HCRTR2: variants seen among roughly 807,000 people sequenced by gnomAD.
HCRTR2 encodes hypocretin receptor 2, also known as orexin receptor type 2.
HCRTR2 carries 22 observed loss-of-function variants against 49.0 expected under a neutral mutation model. That is an observed-to-expected ratio of 0.45 (90% CI 0.32 to 0.64). The LOEUF (loss-of-function observed/expected upper bound fraction) is 0.64. HCRTR2 is among the 30% of genes least tolerant of loss of function. HCRTR2 has a pLI of 0.04. For synonymous variants in HCRTR2, 236 were observed against 205.3 expected (o/e 1.15, Z -1.28); for missense variants, 491 against 559.4 (o/e 0.88, Z 1.23).
chr6:55,239,856 C>A (rs1581849417), intron 1 of HCRTR2, among the ~76,000 whole-genome samples: 1 of 148,810 alleles, frequency 6.7e-6, no homozygotes, highest in South Asian at 2.1e-4. Flanking sequence ...CGGCTCACTG[C>A]AACCCCCGCC....
chr6:55,118,670 T>A (rs1764153167), intron 1 of HCRTR2, among the ~76,000 whole-genome samples: 1 of 151,948 alleles, frequency 6.6e-6, no homozygotes, highest in African/African-American at 2.4e-5. Flanking sequence ...AGCTTTTTTA[T>A]TTATATGATT....
At chr6:55,108,404 G>A (rs190898111) in intron 1 of HCRTR2, among the ~76,000 whole-genome samples, 3 of 152,138 alleles carry the variant, frequency 2.0e-5, no homozygotes, top group Admixed American at 2.0e-4. Flanking sequence ...TGCAAACTCC[G>A]AGAGACAGCT....
At chr6:55,109,538 T>C (rs1477374048) in intron 1 of HCRTR2, among the ~76,000 whole-genome samples, 1 of 151,870 alleles carries the variant, frequency 6.6e-6, no homozygotes, top group East Asian at 1.9e-4. Flanking sequence ...AATCACAACT[T>C]ATGGGAATGA....
At chr6:55,269,158 C>G (rs2127325682) in intron 4 of HCRTR2, among the ~76,000 whole-genome samples, 1 of 145,028 alleles carries the variant, frequency 6.9e-6, no homozygotes, top group East Asian at 2.1e-4. Context: ...AAGATTTAAA[C>G]AAACTATGAA....
intron 1 of HCRTR2, among the ~76,000 whole-genome samples, chr6:55,108,141 A>G (rs1256686333): frequency 6.6e-6 from 1 of 152,160 alleles, no homozygotes; most frequent in East Asian, 1.9e-4. Context: ...CATGAAATCA[A>G]ACTCCTATAT....
chr6:55,168,973 C>A (rs1764913247), intron 1 of HCRTR2, among the ~76,000 whole-genome samples: 1 of 151,988 alleles, frequency 6.6e-6, no homozygotes, highest in African/African-American at 2.4e-5. Flanking sequence ...TTCCCACAAT[C>A]TGGTTACCAT....
intron 1 of HCRTR2, among the ~76,000 whole-genome samples, chr6:55,186,686 T>G (rs1349333563): frequency 6.6e-6 from 1 of 152,232 alleles, no homozygotes; most frequent in African/African-American, 2.4e-5. Flanking sequence ...TTCTTGGTTG[T>G]TTTTATAAAA....
At chr6:55,252,929 C>T (rs1043446713) in intron 2 of HCRTR2, among the ~76,000 whole-genome samples, 5 of 151,762 alleles carry the variant, frequency 3.3e-5, no homozygotes, top group Admixed American at 1.3e-4. Context: ...ATATGCCAGC[C>T]CTGGAATAGA....
chr6:55,174,823 C>T lies in HCRTR2; in HGVS notation c.223+13C>T. 6.2e-7 allele frequency: 1 copy of T among 1,610,198 alleles called. No homozygotes were observed. Among genetic ancestry groups the T allele is most frequent in the Non-Finnish European group, 8.5e-7 (1 of 1,176,568 alleles). On this transcript the variant is annotated intron_variant, in intron 1 of 6. Coordinates refer to ENST00000370862, the MANE Select transcript of HCRTR2 (RefSeq NM_001384272.1). ...GGGAACGTCCTGGGTGAGTCTCCTC[C>T]CGGGCAGCCCTCCTAGGGGCTATCA...
chr6:55,205,399 G>A (rs1208815909), intron 1 of HCRTR2, among the ~76,000 whole-genome samples: 1 of 152,188 alleles, frequency 6.6e-6, no homozygotes, highest in Non-Finnish European at 1.5e-5. Flanking sequence ...AGATTGAAAT[G>A]TGTCAAGGAG....
intron 1 of HCRTR2, among the ~76,000 whole-genome samples, chr6:55,175,428 A>C (rs1307928835): frequency 6.6e-6 from 1 of 152,156 alleles, no homozygotes; most frequent in African/African-American, 2.4e-5. Context: ...TGCCTGGAGC[A>C]AGAAGGAGGG....
At chr6:55,163,064 G>A (rs930708327) in intron 1 of HCRTR2, among the ~76,000 whole-genome samples, 13 of 151,908 alleles carry the variant, frequency 8.6e-5, no homozygotes, top group Non-Finnish European at 1.5e-4. Context: ...GTGAAACCCC[G>A]TCTCTACTAA....
intron 4 of HCRTR2, among the ~76,000 whole-genome samples, chr6:55,274,393 A>C (rs981710959): frequency 1.5e-5 from 2 of 132,032 alleles, no homozygotes; most frequent in African/African-American, 5.5e-5. Context: ...TGAAACTTTT[A>C]AAATTTAATT....
At chr6:55,187,601 C>T (rs1475052429) in intron 1 of HCRTR2, among the ~76,000 whole-genome samples, 1 of 149,680 alleles carries the variant, frequency 6.7e-6, no homozygotes, top group East Asian at 2.0e-4. Context: ...TCCCTTATTA[C>T]ATAACTCTTC....
intron 1 of HCRTR2, among the ~76,000 whole-genome samples, chr6:55,247,757 T>A (rs1766474218): frequency 6.6e-6 from 1 of 152,102 alleles, no homozygotes; most frequent in South Asian, 2.1e-4. Flanking sequence ...GAACTGGGGA[T>A]ATACTACAAG....
chr6:55,209,248 C>T (rs1169912704), intron 1 of HCRTR2, among the ~76,000 whole-genome samples: 1 of 152,084 alleles, frequency 6.6e-6, no homozygotes, highest in Non-Finnish European at 1.5e-5. Context: ...GAGGCTTAAT[C>T]ATGCCATTTA....
At chr6:55,218,068 A>G (rs896251786) in intron 1 of HCRTR2, among the ~76,000 whole-genome samples, 11 of 152,232 alleles carry the variant, frequency 7.2e-5, no homozygotes, top group African/African-American at 2.7e-4. Context: ...ATCACATGCT[A>G]AAAGAGCAAG....
chr6:55,262,512 CTT>C (rs1047535529), intron 3 of HCRTR2, among the ~76,000 whole-genome samples: 79 of 123,400 alleles, frequency 6.4e-4, no homozygotes, highest in East Asian at 3.8e-3. Flanking sequence ...TATAATATAA[CTT>C]ATATATTATA....
chr6:55,116,256 C>T (rs1474958172), intron 1 of HCRTR2, among the ~76,000 whole-genome samples: 1 of 151,612 alleles, frequency 6.6e-6, no homozygotes. Flanking sequence ...CATAGTATAA[C>T]ATTGTTTACT....
Sources: allele counts gnomAD v4.1 joint callset (sites outside exome capture counted in the v4.1 genomes callset), GRCh38; gene constraint gnomAD v4.1.1; transcripts MANE v1.5; gene names NCBI Gene and HGNC (gene_info 2026-07-23, HGNC 2026-07-21).